DLEC1: variants seen among roughly 807,000 people sequenced by gnomAD.
DLEC1 encodes DLEC1 cilia and flagella associated protein, also known as deleted in lung and esophageal cancer protein 1.
DLEC1 carries 146 observed loss-of-function variants against 198.1 expected under a neutral mutation model. The ratio of observed to expected loss-of-function variants is 0.74; its 90% CI spans 0.64 to 0.85. The LOEUF is 0.85. Among genes scored for constraint, DLEC1 ranks in the 40% least tolerant of loss-of-function variants. DLEC1 has a pLI of 0.00. For missense variants in DLEC1, 2,233 were observed against 2,220.0 expected (o/e 1.01, Z -0.12); for synonymous variants, 897 against 866.8 (o/e 1.03, Z -0.61).
rs190725316 is a variant in DLEC1, at chr3:38,064,493, G to T, written c.1173+574G>T. Reference sequence around the variant, plus strand: ...TTTCTATTTGACAAAACCGCCATCGGCATCATGGCCCGTTCTCCATGAGCT... The same window carrying T: ...TTTCTATTTGACAAAACCGCCATCGTCATCATGGCCCGTTCTCCATGAGCT... On this transcript the variant is annotated intron_variant, in intron 6 of 36. Transcript: ENST00000308059. Among the ~76,000 whole-genome samples the T allele has an allele frequency of 7.0e-4, 106 of 152,300 alleles. No homozygotes were observed. The East Asian group carries it at 0.014, about 20-fold the overall frequency.
At position 38,039,620 on chromosome 3, in the gene DLEC1, T is replaced by C; in HGVS notation, c.395T>C (p.Val132Ala). The change falls in exon 1 of 37, where the codon GTG (valine) becomes GCG (alanine). Residue 132 changes from valine to alanine, a missense_variant. Coordinates refer to ENST00000308059, the MANE Select transcript of DLEC1 (RefSeq NM_007335.4). The part of the protein sequence containing the change: ...GSENERHEEF[V>A]DQLQQIRELY... ...GAGAATGAGCGCCACGAGGAGTTCGTGGACCAGCTGCAGCAGGTAACGTGG... is the reference window on the plus strand; with the variant it reads ...GAGAATGAGCGCCACGAGGAGTTCGCGGACCAGCTGCAGCAGGTAACGTGG... 1 of 1,604,966 alleles carries C rather than the reference T, an allele frequency of 6.2e-7. No individual in the cohort carries two copies. Among genetic ancestry groups the C allele is most frequent in the African/African-American group, 1.3e-5 (1 of 74,840 alleles).
rs202096885 is a variant in DLEC1 at position 38,110,227 on chromosome 3, T to G, written c.3389T>G (p.Leu1130Arg). The change falls in exon 23 of 37, where the codon CTC (leucine) becomes CGC (arginine). Residue 1130 changes from leucine (L) to arginine (R), a missense_variant. By Grantham distance (102) the Leu-to-Arg change is moderately radical. Transcript: ENST00000308059. ...NRSPIRTRFS[L>R]KFEYFGSPQN... ...TCCCCAATACGGACCCGTTTCTCCCTCAAGTTTGAGTATTTCGGGAGCCCC... is the reference window on the plus strand; with the variant it reads ...TCCCCAATACGGACCCGTTTCTCCCGCAAGTTTGAGTATTTCGGGAGCCCC... 1 of 1,614,116 alleles carries G rather than the reference T, an allele frequency of 6.2e-7. No homozygotes were observed. The highest frequency in any genetic ancestry group is 1.7e-5 in the Admixed American group (1 of 60,024).
In DLEC1 at chr3:38,117,018, C is replaced by T. The variant is rs750740266; in HGVS notation, c.4223C>T (p.Thr1408Ile). 9.3e-6 allele frequency: 15 copies of T among 1,613,898 alleles called. No homozygotes were observed. Among genetic ancestry groups the T allele is most frequent in the African/African-American group, 2.7e-5 (2 of 74,890 alleles). Reference sequence around the variant, plus strand: ...AGCAGTACCATCTACATCTCCTTCACCCCTATGGTGCTCAGCCCTGAGATC... The same window carrying T: ...AGCAGTACCATCTACATCTCCTTCATCCCTATGGTGCTCAGCCCTGAGATC... ...GGSSTIYISF[T>I]PMVLSPEILH... is the part of the protein sequence containing the mutation. Residue 1408 changes from threonine to isoleucine, a missense_variant, in exon 30 of 37, where the codon ACC becomes ATC. Transcript: ENST00000308059.
chr3:38,095,111 T>G, intron 13 of DLEC1, 40 bp downstream of exon 13: 1 of 1,605,374 alleles, frequency 6.2e-7, no homozygotes, highest in South Asian at 1.1e-5. Flanking sequence ...CATGGTTGGA[T>G]CATGTATTTA....
At chr3:38,122,037 T>A in intron 35 of DLEC1, 34 bp from the exon 36 acceptor site, 1 of 1,610,004 alleles carries the variant, frequency 6.2e-7, no homozygotes. Context: ...TGGGGCTGCC[T>A]GCACTCATGT....
At chr3:38,064,756 G>A (rs1201446278) in intron 6 of DLEC1, among the ~76,000 whole-genome samples, 1 of 151,352 alleles carries the variant, frequency 6.6e-6, no homozygotes, top group Middle Eastern at 3.2e-3. Flanking sequence ...GCGGGGCAGA[G>A]GCGCTCCCCA....
intron 1 of DLEC1, among the ~76,000 whole-genome samples, chr3:38,043,850 C>T (rs1222291223): frequency 1.3e-5 from 2 of 152,126 alleles, no homozygotes; most frequent in Admixed American, 6.6e-5. Context: ...CCTGCCACCA[C>T]GCCTGGGTAC....
chr3:38,042,370 A>G (rs994761870), intron 1 of DLEC1, among the ~76,000 whole-genome samples: 21 of 152,292 alleles, frequency 1.4e-4, no homozygotes, highest in Admixed American at 9.2e-4. Flanking sequence ...TATGCATGGG[A>G]AAAAAGCTGA....
chr3:38,083,187 C>T (rs1698151183), intron 6 of DLEC1, among the ~76,000 whole-genome samples: 1 of 151,530 alleles, frequency 6.6e-6, no homozygotes, highest in Non-Finnish European at 1.5e-5. Context: ...TCATGTGCGT[C>T]CGTGTGAAGA....
chr3:38,078,396 G>A (rs1697758172), intron 6 of DLEC1, among the ~76,000 whole-genome samples: 2 of 152,198 alleles, frequency 1.3e-5, no homozygotes, highest in Non-Finnish European at 2.9e-5. Flanking sequence ...AAACAGTAAG[G>A]TCAAGTTGTT....
At chr3:38,095,285 C>T (rs1398424388) in intron 13 of DLEC1, 4 of 585,468 alleles carry the variant, frequency 6.8e-6, no homozygotes, top group Middle Eastern at 4.6e-4. Context: ...CTCACCCCAT[C>T]TGCAGCAAGA....
At chr3:38,100,220 G>GC in intron 18 of DLEC1, 66 bp from the exon 19 acceptor site, 2 of 1,510,672 alleles carry the variant, frequency 1.3e-6, no homozygotes, top group Non-Finnish European at 8.9e-7. Flanking sequence ...GGCATGGCCA[G>GC]CCCCCAGTTC....
intron 32 of DLEC1, 87 bp from the exon 33 acceptor site, chr3:38,117,719 C>A (rs1041224700): frequency 1.9e-6 from 3 of 1,592,098 alleles, no homozygotes; most frequent in Admixed American, 1.7e-5. Flanking sequence ...ATCCCCTCCC[C>A]CAGCCCTCCC....
At chr3:38,084,461 A>AGTGGT (rs1559430334) in intron 7 of DLEC1, among the ~76,000 whole-genome samples, 4 of 404 alleles carry the variant, frequency 9.9e-3, no homozygotes, top group East Asian at 0.25. Flanking sequence ...TGGTAGTAGT[A>AGTGGT]ATAGTAGTGG....
intron 21 of DLEC1, among the ~76,000 whole-genome samples, 199 bp from the exon 22 acceptor site, chr3:38,109,233 A>C (rs1575218710): frequency 6.6e-6 from 1 of 152,216 alleles, no homozygotes; most frequent in Non-Finnish European, 1.5e-5. Context: ...GCAGACTCAG[A>C]CAGCCATAAG....
At chr3:38,087,591 C>T (rs1341740302) in intron 9 of DLEC1, among the ~76,000 whole-genome samples, 1 of 151,098 alleles carries the variant, frequency 6.6e-6, no homozygotes, top group African/African-American at 2.4e-5. Context: ...CATCAGCATG[C>T]TCACACCATC....
rs78971265 is a variant in DLEC1, at chr3:38,057,087, T to C, written c.563-2655T>C. Among the ~76,000 whole-genome samples the C allele has an allele frequency of 5.7e-3, 875 of 152,352 alleles. 11 individuals are homozygous for C. Among genetic ancestry groups the C allele is most frequent in the African/African-American group, 0.02 (818 of 41,588 alleles). ...CAGACAAGAAAATGTATTCAGAAGC[T>C]TGAAATAGCAAACACCTGGAGACAG... On this transcript the variant is annotated intron_variant, in intron 2 of 36. Transcript: ENST00000308059.
chr3:38,113,022 CAA>C (rs1459148006), intron 25 of DLEC1, among the ~76,000 whole-genome samples: 1 of 152,028 alleles, frequency 6.6e-6, no homozygotes, highest in Non-Finnish European at 1.5e-5. Context: ...TTCTGTATGA[CAA>C]AGAATTGATC....
chr3:38,079,068 G>A (rs980221082), intron 6 of DLEC1, among the ~76,000 whole-genome samples: 21 of 152,270 alleles, frequency 1.4e-4, no homozygotes, highest in Admixed American at 7.8e-4. Context: ...AGATGGTAAG[G>A]GGTGCATGAT....
Sources: gnomAD v4.1 joint callset for allele counts (sites outside exome capture counted in the v4.1 genomes callset) on GRCh38, gnomAD v4.1.1 for gene constraint, MANE v1.5 for transcripts, NCBI Gene and HGNC (gene_info 2026-07-23, HGNC 2026-07-21) for gene names.